CACNA2D3: variants seen among roughly 807,000 people sequenced by gnomAD.
The protein encoded by CACNA2D3 is calcium voltage-gated channel auxiliary subunit alpha2delta 3, also known as voltage-dependent calcium channel subunit alpha-2/delta-3.
CACNA2D3 carries 60 observed loss-of-function variants against 160.6 expected under a neutral mutation model. The observed-to-expected ratio is 0.37, with a 90% CI of 0.30 to 0.46. The LOEUF is 0.46. Ranked by LOEUF, CACNA2D3 falls within the 20% of genes least tolerant of loss-of-function variation. The pLI, the probability that CACNA2D3 is intolerant of heterozygous loss-of-function variation, is 1.00. For missense variants in CACNA2D3, 1,205 were observed against 1,365.0 expected (o/e 0.88, Z 1.85); for synonymous variants, 558 against 492.9 (o/e 1.13, Z -1.75).
At chr3:54,337,985 A>G (rs963895340) in intron 3 of CACNA2D3, among the ~76,000 whole-genome samples, 1 of 152,166 alleles carries the variant, frequency 6.6e-6, no homozygotes, top group Non-Finnish European at 1.5e-5. Flanking sequence ...TGGGTGCCTT[A>G]AGTGAGTGCC....
intron 2 of CACNA2D3, among the ~76,000 whole-genome samples, chr3:54,248,724 A>G (rs973769019): frequency 5.9e-5 from 9 of 152,102 alleles, no homozygotes; most frequent in Non-Finnish European, 1.0e-4. Context: ...AAATATATTT[A>G]TGTTGTTTAA....
intron 3 of CACNA2D3, 67 bp from the exon 4 acceptor site, chr3:54,386,648 A>G (rs373424488): frequency 2.8e-6 from 4 of 1,422,208 alleles, no homozygotes; most frequent in East Asian, 2.5e-5. Context: ...TGGTCAATGG[A>G]GAAATGGGGT....
At position 54,846,429 on chromosome 3, in the gene CACNA2D3, A is replaced by G; in HGVS notation, c.1588A>G (p.Asn530Asp). Residue 530 changes from asparagine to aspartate, a missense_variant, in exon 17 of 38, where the codon AAT becomes GAT. Asn to Asp is a conservative substitution (Grantham distance 23, BLOSUM62 1). Transcript: ENST00000474759. ...IHGYAFAITN[N>D]GYILTHPELR... ...CGGTTATGCCTTTGCAATCACAAAT[A>G]ATGGATATATCCTGACGCATCCGGA... 4.4e-6 allele frequency: 7 copies of G among 1,607,442 alleles called. No homozygotes were observed. Among genetic ancestry groups the G allele is most frequent in the Non-Finnish European group, 5.9e-6 (7 of 1,176,608 alleles).
chr3:54,372,085 G>C (rs545194607), intron 3 of CACNA2D3, among the ~76,000 whole-genome samples: 106 of 152,336 alleles, frequency 7.0e-4, no homozygotes, highest in Non-Finnish European at 1.2e-4. Context: ...AAGGGCCTCA[G>C]AGATGGCTTT....
chr3:54,618,354 T>TACATACATAC (rs150317378), intron 9 of CACNA2D3, among the ~76,000 whole-genome samples: 1 of 87,038 alleles, frequency 1.1e-5, no homozygotes, highest in Non-Finnish European at 2.2e-5. Context: ...GATACATACA[T>TACATACATAC]ATATATATAT....
intron 27 of CACNA2D3, among the ~76,000 whole-genome samples, chr3:54,964,335 G>A (rs1702095632): frequency 1.3e-5 from 2 of 152,158 alleles, no homozygotes; most frequent in South Asian, 4.1e-4. Flanking sequence ...GAAGTAAGGA[G>A]CACTGTGACC....
intron 2 of CACNA2D3, among the ~76,000 whole-genome samples, chr3:54,303,623 C>G (rs1703527976): frequency 6.6e-6 from 1 of 152,148 alleles, no homozygotes; most frequent in African/African-American, 2.4e-5. Context: ...GTTAACTCTG[C>G]AAGCCTCAGT....
intron 24 of CACNA2D3, among the ~76,000 whole-genome samples, chr3:54,888,653 C>T (rs955976997): frequency 2.7e-4 from 41 of 152,162 alleles, no homozygotes; most frequent in African/African-American, 9.4e-4. Context: ...TCATGTGTTA[C>T]ATGATTCATT....
intron 3 of CACNA2D3, among the ~76,000 whole-genome samples, chr3:54,362,830 A>C (rs948569214): frequency 4.6e-5 from 7 of 152,230 alleles, no homozygotes; most frequent in Admixed American, 1.3e-4. Flanking sequence ...TACAAATGTC[A>C]GTTCAGGAAC....
chr3:54,166,147 G>T (rs1444666327), intron 2 of CACNA2D3, among the ~76,000 whole-genome samples: 1 of 152,168 alleles, frequency 6.6e-6, no homozygotes, highest in Admixed American at 6.5e-5. Flanking sequence ...TCCATGTCAA[G>T]CTGGCTGTGT....
At chr3:54,665,499 C>T (rs1700048153) in intron 11 of CACNA2D3, among the ~76,000 whole-genome samples, 1 of 150,940 alleles carries the variant, frequency 6.6e-6, no homozygotes, top group Admixed American at 6.6e-5. Context: ...TTATAGTGTA[C>T]TTATTTTTTA....
intron 11 of CACNA2D3, among the ~76,000 whole-genome samples, chr3:54,678,749 A>AAAAAAAAAAT (rs1700289334): frequency 7.0e-6 from 1 of 143,690 alleles, no homozygotes; most frequent in Non-Finnish European, 1.5e-5. Flanking sequence ...AAAAAAAAAA[A>AAAAAAAAAAT]GTTGATGATC....
intron 2 of CACNA2D3, among the ~76,000 whole-genome samples, chr3:54,149,877 GTA>G (rs1700105482): frequency 1.9e-5 from 2 of 105,884 alleles, no homozygotes; most frequent in Non-Finnish European, 3.9e-5. Context: ...CTGTCCTGAA[GTA>G]TCTGTCTCTC....
chr3:54,364,309 C>A (rs956363996), intron 3 of CACNA2D3, among the ~76,000 whole-genome samples: 1 of 152,186 alleles, frequency 6.6e-6, no homozygotes, highest in Non-Finnish European at 1.5e-5. Flanking sequence ...CAGGGACATA[C>A]GATTTTATCT....
chr3:55,039,254 GC>G (rs1703905226), intron 35 of CACNA2D3, among the ~76,000 whole-genome samples: 1 of 152,026 alleles, frequency 6.6e-6, no homozygotes, highest in Admixed American at 6.6e-5. Flanking sequence ...TTCAGAAAAT[GC>G]CCCAGCCTGC....
chr3:54,805,147 A>G (rs1703088368), intron 13 of CACNA2D3, among the ~76,000 whole-genome samples: 1 of 152,198 alleles, frequency 6.6e-6, no homozygotes, highest in Admixed American at 6.5e-5. Flanking sequence ...AAGAACTGGA[A>G]AAGCAAGAGC....
intron 2 of CACNA2D3, among the ~76,000 whole-genome samples, chr3:54,127,821 G>C (rs1329369286): frequency 1.3e-5 from 2 of 152,186 alleles, no homozygotes; most frequent in African/African-American, 2.4e-5. Flanking sequence ...TGAGCATTCA[G>C]TTTGTGCCTC....
chr3:54,345,235 C>G (rs577873786), intron 3 of CACNA2D3, among the ~76,000 whole-genome samples: 4 of 152,174 alleles, frequency 2.6e-5, no homozygotes, highest in Non-Finnish European at 5.9e-5. Context: ...CTTTTTTGAG[C>G]GAGATCCAAG....
chr3:54,889,042 C>A (rs1699995392), intron 24 of CACNA2D3, among the ~76,000 whole-genome samples: 1 of 152,176 alleles, frequency 6.6e-6, no homozygotes. Context: ...AAGGTTTGGG[C>A]AGCATTCCAG....
Sources: gnomAD v4.1 joint callset for allele counts (sites outside exome capture counted in the v4.1 genomes callset) on GRCh38, gnomAD v4.1.1 for gene constraint, MANE v1.5 for transcripts, NCBI Gene and HGNC (gene_info 2026-07-23, HGNC 2026-07-21) for gene names.